CAMK4: variants seen among roughly 807,000 people sequenced by gnomAD.
The protein encoded by CAMK4 is calcium/calmodulin-dependent protein kinase type IV.
CAMK4 carries 22 observed loss-of-function variants against 44.9 expected under a neutral mutation model. The observed-to-expected ratio is 0.49, with a 90% CI of 0.35 to 0.70. The LOEUF is 0.70. Ranked by LOEUF, CAMK4 falls within the 30% of genes least tolerant of loss-of-function variation. The pLI is 0.01. For missense variants in CAMK4, 498 were observed against 586.8 expected (o/e 0.85, Z 1.56); for synonymous variants, 218 against 215.4 (o/e 1.01, Z -0.11).
At chr5:111,385,867 G>A (rs306112) in intron 4 of CAMK4, among the ~76,000 whole-genome samples, 133,816 of 152,140 alleles carry the variant, frequency 0.88, 59,064 homozygotes, top group East Asian at 1. Context: ...AAGCCACCAC[G>A]CCCGGCTGCA....
intron 1 of CAMK4, among the ~76,000 whole-genome samples, chr5:111,254,501 GA>G (rs559776342): frequency 8.3e-4 from 127 of 152,320 alleles, no homozygotes; most frequent in African/African-American, 2.8e-3. Flanking sequence ...TGTAATGCCA[GA>G]AACTAATATT....
chr5:111,283,107 T>A (rs1405834551), intron 1 of CAMK4: 2 of 152,208 alleles, frequency 1.3e-5, no homozygotes, highest in African/African-American at 4.8e-5. Context: ...CACAACATCA[T>A]AAAGTCAAAA....
chr5:111,275,330 TCTTTTTTTTTGACACTTCTCC>T (rs1750711730), intron 1 of CAMK4, among the ~76,000 whole-genome samples: 1 of 151,670 alleles, frequency 6.6e-6, no homozygotes, highest in African/African-American at 2.4e-5. Flanking sequence ...AATTTCTTCT[TCTTTTTTTTTGACACTTCTCC>T]TGTTGATAGC....
intron 5 of CAMK4, among the ~76,000 whole-genome samples, chr5:111,433,219 C>CT (rs1442227671): frequency 1.3e-5 from 2 of 152,188 alleles, no homozygotes; most frequent in African/African-American, 2.4e-5. Context: ...CATCTAGAGT[C>CT]TAAGCCAACA....
intron 2 of CAMK4, among the ~76,000 whole-genome samples, chr5:111,366,336 TA>T (rs1193555704): frequency 1.3e-5 from 2 of 152,114 alleles, no homozygotes; most frequent in African/African-American, 2.4e-5. Flanking sequence ...CCTGAATGAT[TA>T]AAACAAAAAG....
chr5:111,388,246 C>G (rs1028472236), intron 4 of CAMK4, among the ~76,000 whole-genome samples: 1 of 152,194 alleles, frequency 6.6e-6, no homozygotes, highest in African/African-American at 2.4e-5. Flanking sequence ...TCTATGGATG[C>G]TGTTCTCACT....
At chr5:111,475,389 A>C (rs1755201349) in intron 8 of CAMK4, among the ~76,000 whole-genome samples, 1 of 152,158 alleles carries the variant, frequency 6.6e-6, no homozygotes, top group South Asian at 2.1e-4. Flanking sequence ...GTAGGAAATT[A>C]AGTTACATTT....
chr5:111,413,888 GT>G (rs1752718353), intron 5 of CAMK4, among the ~76,000 whole-genome samples: 1 of 151,824 alleles, frequency 6.6e-6, no homozygotes, highest in Non-Finnish European at 1.5e-5. Flanking sequence ...TGTTTTTAAA[GT>G]GGAAAAAGAA....
chr5:111,279,550 A>G (rs1750917250), intron 1 of CAMK4, among the ~76,000 whole-genome samples: 1 of 152,238 alleles, frequency 6.6e-6, no homozygotes, highest in South Asian at 2.1e-4. Context: ...ATTACTGATT[A>G]TAGAACACAA....
At chr5:111,370,169 C>G (rs1055265436) in intron 2 of CAMK4, among the ~76,000 whole-genome samples, 4 of 152,170 alleles carry the variant, frequency 2.6e-5, no homozygotes, top group African/African-American at 4.8e-5. Flanking sequence ...AAAATTAATT[C>G]TGAATTAAAA....
intron 7 of CAMK4, among the ~76,000 whole-genome samples, chr5:111,459,557 A>G (rs1754560139): frequency 6.6e-6 from 1 of 152,216 alleles, no homozygotes; most frequent in Non-Finnish European, 1.5e-5. Flanking sequence ...GGATTTTGGC[A>G]ACCACTTACT....
intron 1 of CAMK4, among the ~76,000 whole-genome samples, chr5:111,297,667 C>T (rs1408725088): frequency 6.6e-6 from 1 of 152,110 alleles, no homozygotes; most frequent in Non-Finnish European, 1.5e-5. Flanking sequence ...CTCTCATTGG[C>T]TGGGCCTTGT....
At chr5:111,308,729 C>G (rs1344839673) in intron 1 of CAMK4, among the ~76,000 whole-genome samples, 3 of 152,112 alleles carry the variant, frequency 2.0e-5, no homozygotes, top group African/African-American at 7.2e-5. Context: ...AAAACAATAG[C>G]TTATTACCGG....
chr5:111,460,215 T>C (rs1754592398), intron 7 of CAMK4, among the ~76,000 whole-genome samples: 2 of 151,740 alleles, frequency 1.3e-5, no homozygotes, highest in African/African-American at 4.8e-5. Flanking sequence ...AGTGAGAAGG[T>C]TTATATCTCC....
At chr5:111,321,841 C>A (rs1748675880) in intron 1 of CAMK4, among the ~76,000 whole-genome samples, 1 of 152,088 alleles carries the variant, frequency 6.6e-6, no homozygotes, top group African/African-American at 2.4e-5. Flanking sequence ...CTTAATTCTG[C>A]CCTTAAATAG....
At chr5:111,269,036 A>G (rs769742691) in intron 1 of CAMK4, among the ~76,000 whole-genome samples, 1 of 152,260 alleles carries the variant, frequency 6.6e-6, no homozygotes, top group Non-Finnish European at 1.5e-5. Flanking sequence ...AGAAGGAATA[A>G]AAAGAAATCA....
intron 1 of CAMK4, among the ~76,000 whole-genome samples, chr5:111,273,929 C>A (rs539310665): frequency 4.6e-5 from 7 of 151,494 alleles, no homozygotes; most frequent in Non-Finnish European, 8.8e-5. Context: ...GGCATATATA[C>A]TTACATTATT....
At chr5:111,237,433 A>G (rs1304121680) in intron 1 of CAMK4, among the ~76,000 whole-genome samples, 1 of 152,250 alleles carries the variant, frequency 6.6e-6, no homozygotes, top group Non-Finnish European at 1.5e-5. Context: ...CTTTTGAAGT[A>G]AGTAGGGCTC....
At position 111,264,365 on chromosome 5, in the gene CAMK4, A is replaced by G. The variant is rs889306540; in HGVS notation, c.161+39721A>G. Reference sequence around the variant, plus strand: ...CTGCCTGGGTGGTTGATGTATAAACAACTGGTGGAGGACCTAGTAGTTTCC... The same window carrying G: ...CTGCCTGGGTGGTTGATGTATAAACGACTGGTGGAGGACCTAGTAGTTTCC... On this transcript the variant is annotated intron_variant, in intron 1 of 10. Coordinates refer to ENST00000282356, the MANE Select transcript of CAMK4 (RefSeq NM_001744.6). Among the ~76,000 whole-genome samples the G allele has an allele frequency of 8.5e-5, 13 of 152,264 alleles. 1 individual carries two copies. Among genetic ancestry groups the G allele is most frequent in the South Asian group, 4.1e-4 (2 of 4,822 alleles).
Sources: gnomAD v4.1 joint callset for allele counts (sites outside exome capture counted in the v4.1 genomes callset) on GRCh38, gnomAD v4.1.1 for gene constraint, MANE v1.5 for transcripts, NCBI Gene and HGNC (gene_info 2026-07-23, HGNC 2026-07-21) for gene names.